The following GALNS variants were observed in gnomAD, a reference collection of about 807,000 sequenced individuals.
The protein encoded by GALNS is galactosamine (N-acetyl)-6-sulfatase, also known as N-acetylgalactosamine-6-sulfatase.
Under a neutral mutation model 65.9 loss-of-function variants are expected in GALNS, and 65 were observed. That is an observed-to-expected ratio of 0.99 (90% CI 0.81 to 1.21). The LOEUF (loss-of-function observed/expected upper bound fraction) is 1.21, where lower values mean the gene tolerates loss of function less well. GALNS is among the 50% of genes most tolerant of loss of function. The pLI is 0.00. For missense variants in GALNS, 776 were observed against 700.7 expected (o/e 1.11, Z -1.21); for synonymous variants, 346 against 288.9 (o/e 1.20, Z -2.00).
chr16:88,851,145 G>A (rs953901299), intron 1 of GALNS, among the ~76,000 whole-genome samples: 1 of 152,290 alleles, frequency 6.6e-6, no homozygotes, highest in South Asian at 2.1e-4. Context: ...CCTGCAGAGT[G>A]AGCAGGTTAC....
chr16:88,826,125 G>C (rs1476476715), intron 10 of GALNS, among the ~76,000 whole-genome samples: 1 of 151,826 alleles, frequency 6.6e-6, no homozygotes, highest in Non-Finnish European at 1.5e-5. Context: ...AACCAGGCTG[G>C]GCAGGGAACA....
Position 88,827,571 on chromosome 16 carries a change from C to T in GALNS, c.1003-733G>A, listed in dbSNP as rs372905941. ...AAGTGATTCTCCTGACTCAGTCTCC[C>T]GAGAAGCTGGGATTACAGGTATGTG... On this transcript the variant is annotated intron_variant, in intron 9 of 13. Coordinates refer to ENST00000268695, the MANE Select transcript of GALNS (RefSeq NM_000512.5). Among the ~76,000 whole-genome samples the T allele has an allele frequency of 2.2e-3, 336 of 152,238 alleles. 14 individuals are homozygous for T. In the South Asian group the frequency reaches 0.063, roughly 28 times the overall value.
intron 2 of GALNS, 172 bp from the exon 3 acceptor site, chr16:88,842,143 G>T: frequency 1.4e-6 from 1 of 705,786 alleles, no homozygotes; most frequent in Non-Finnish European, 2.6e-6. Context: ...ACCTGGGTGG[G>T]GCACGGCACC....
At chr16:88,833,057 A>G (rs1380560339) in intron 8 of GALNS, among the ~76,000 whole-genome samples, 3 of 144,484 alleles carry the variant, frequency 2.1e-5, no homozygotes, top group African/African-American at 7.8e-5. Flanking sequence ...CAGCCTGGGC[A>G]ACAGAGCGAG....
At chr16:88,843,540 G>T in intron 1 of GALNS, 2 of 263,064 alleles carry the variant, frequency 7.6e-6, no homozygotes, top group Non-Finnish European at 1.5e-5. Context: ...GTCACGCTGG[G>T]CCAGGGTGGG....
Position 88,814,386 on chromosome 16 carries a change from G to A in GALNS, c.*53C>T, listed in dbSNP as rs181934191. The stretch of plus-strand genomic sequence containing the variant: ...GAGGCCAGAGCCATCCTTCCTCCAG[G>A]CACTTGCAGGGCCAACCGGAGATTC... On this transcript the variant is annotated 3_prime_UTR_variant, in exon 14 of 14. Transcript: ENST00000268695. 6.0e-4 allele frequency: 934 copies of A among 1,548,966 alleles called. 6 individuals carry two copies. The African/African-American group carries it at 0.011, about 18-fold the overall frequency.
In GALNS at chr16:88,826,770, C is replaced by T. The variant is rs374619390; in HGVS notation, c.1071G>A (p.Pro357=). The T allele has an allele frequency of 2.8e-4, 449 of 1,608,552 alleles. 1 individual carries two copies. The highest frequency in any genetic ancestry group is 1.1e-3 in the Admixed American group (64 of 59,340). The change falls in exon 10 of 14, where the codon CCG becomes CCA. Residue 357 remains proline, a synonymous_variant. Coordinates refer to ENST00000268695, the MANE Select transcript of GALNS (RefSeq NM_000512.5). The stretch of plus-strand genomic sequence containing the variant: ...GGCCATCAATGGCCCTGTCGCTGGG[C>T]GGCGTCAGGCCCGCAAGGGCCAGGC... ...TTSLALAGLT[P]PSDRAIDGLN...
Position 88,825,158 on chromosome 16 carries a change from G to A in GALNS, c.1140-289C>T, listed in dbSNP as rs1486681361. On this transcript the variant is annotated intron_variant, in intron 10 of 13. Transcript: ENST00000268695. ...TGGGCGGCCGGGGCTGGGGTGACTG[G>A]GTGTTTGGGCGGCCGGGGCTGGGGT... 9.5e-5 allele frequency among the ~76,000 whole-genome samples: 14 copies of A among 146,744 alleles called. No individual in the cohort carries two copies. The East Asian group carries it at 2.8e-3, about 29-fold the overall frequency.
chr16:88,854,609 C>T (rs1002236709), intron 1 of GALNS, among the ~76,000 whole-genome samples: 22 of 152,252 alleles, frequency 1.4e-4, no homozygotes, highest in African/African-American at 5.3e-4. Flanking sequence ...CTGAGACCCA[C>T]ATCACGCTAA....
rs1234260034 is a variant in GALNS, at chr16:88,835,728, C to A, written c.755G>T (p.Gly252Val). ...GCTCCATGGAGCCAGGACTCACCGC[C>A]CTCGCTGACTGGTGCCCAAGAAGGG... ...SKPFLGTSQR[G>V]RYGDAVREID... Residue 252 changes from glycine to valine, a missense_variant, in exon 7 of 14, where the codon GGG becomes GTG. Gly to Val is a moderately radical substitution (Grantham distance 109). Transcript: ENST00000268695. The A allele has an allele frequency of 6.2e-7, 1 of 1,614,032 alleles. No homozygotes were observed. The highest frequency in any genetic ancestry group is 8.5e-7 in the Non-Finnish European group (1 of 1,180,034).
chr16:88,856,928 G>A lies in GALNS; in HGVS notation c.-51C>T, dbSNP rs1017343183. On this transcript the variant is annotated 5_prime_UTR_variant, in exon 1 of 14. The change creates a new upstream start codon in the 5' untranslated region. Transcript: ENST00000268695. ...CGGCCAGCGAGCCGACCTAGCGAGC[G>A]TCCGCCGGCCCTTCCGGCTGGGCTG... The A allele has an allele frequency of 6.8e-7, 1 of 1,479,064 alleles. No homozygotes were observed. The highest frequency in any genetic ancestry group is 8.9e-7 in the Non-Finnish European group (1 of 1,123,200). 91.6% of individuals were successfully genotyped at this position (1,479,064 alleles called of 1,614,324 possible).
intron 8 of GALNS, among the ~76,000 whole-genome samples, 171 bp downstream of exon 8, chr16:88,835,042 T>A (rs1301133682): frequency 6.6e-6 from 1 of 152,180 alleles, no homozygotes; most frequent in Admixed American, 6.5e-5. Flanking sequence ...AGGTTAGTCC[T>A]GGGCCAGAAG....
intron 12 of GALNS, 87 bp from the exon 13 acceptor site, chr16:88,818,211 C>T: frequency 9.5e-7 from 1 of 1,049,704 alleles, no homozygotes; most frequent in Non-Finnish European, 1.4e-6. Context: ...GGCTGCAGAG[C>T]TCTAACGGGC....
chr16:88,817,422 G>T lies in GALNS; in HGVS notation c.1482+585C>A, dbSNP rs1036471223. On this transcript the variant is annotated intron_variant, in intron 13 of 13. Coordinates refer to ENST00000268695, the MANE Select transcript of GALNS (RefSeq NM_000512.5). ...GGTGCTGCTCTGGGTGGGTGCCTAT[G>T]AGTGAGATCAGGTCTGATGCGAAGG... The T allele has an allele frequency of 7.1e-6, 7 of 985,328 alleles. No individual in the cohort carries two copies. The East Asian group carries it at 7.9e-4, about 112-fold the overall frequency. 61.0% of individuals were successfully genotyped at this position (985,328 alleles called of 1,614,324 possible).
intron 1 of GALNS, chr16:88,856,313 C>G: frequency 1.4e-6 from 1 of 702,828 alleles, no homozygotes. Flanking sequence ...TAGGGCGACG[C>G]AGCTCTCAGG....
intron 13 of GALNS, chr16:88,815,559 T>C (rs778867988): frequency 3.2e-4 from 313 of 985,498 alleles, no homozygotes; most frequent in Non-Finnish European, 3.6e-4. Flanking sequence ...GGGAGACTTA[T>C]GCCGCTAAGA....
chr16:88,837,997 G>A (rs1912323507), intron 4 of GALNS: 1 of 540,694 alleles, frequency 1.8e-6, no homozygotes, highest in Non-Finnish European at 3.3e-6. Flanking sequence ...GAGGGCGGCA[G>A]GCATGGCGGC....
intron 10 of GALNS, 144 bp from the exon 11 acceptor site, chr16:88,825,013 A>G: frequency 1.4e-6 from 1 of 700,368 alleles, no homozygotes; most frequent in Non-Finnish European, 2.4e-6. Context: ...TTGAAAAGTA[A>G]AAAGGCCCGC....
At position 88,840,891 on chromosome 16, in the gene GALNS, G is replaced by C; in HGVS notation, c.422+101C>G. ...GAATCAGCTGCCGTTTCCCACCCAAGACACCCTCCTCATTTGGAAACTTGT... is the reference window on the plus strand; with the variant it reads ...GAATCAGCTGCCGTTTCCCACCCAACACACCCTCCTCATTTGGAAACTTGT... On this transcript the variant is annotated intron_variant, in intron 4 of 13. Coordinates refer to ENST00000268695, the MANE Select transcript of GALNS (RefSeq NM_000512.5). The C allele has an allele frequency of 5.4e-6, 5 of 929,682 alleles. No homozygotes were observed. In the South Asian group the frequency reaches 6.5e-5, roughly 12 times the overall value. 57.6% of individuals were successfully genotyped at this position (929,682 alleles called of 1,614,324 possible).
Sources: allele counts gnomAD v4.1 joint callset (sites outside exome capture counted in the v4.1 genomes callset), GRCh38; gene constraint gnomAD v4.1.1; transcripts MANE v1.5; gene names NCBI Gene and HGNC (gene_info 2026-07-23, HGNC 2026-07-21).